Variants in MXRA7 observed in about 807,000 individuals in gnomAD.
The protein encoded by MXRA7 is matrix remodeling associated 7, also known as matrix-remodeling-associated protein 7.
A neutral mutation model predicts 17.4 loss-of-function variants in MXRA7; 18 were observed. That is an observed-to-expected ratio of 1.03 (90% CI 0.71 to 1.53). MXRA7 has a LOEUF of 1.53. Ranked by LOEUF, MXRA7 falls within the 40% of genes most tolerant of loss-of-function variation. The pLI, the probability that MXRA7 is intolerant of heterozygous loss-of-function variation, is 0.00. For synonymous variants in MXRA7, 70 were observed against 101.7 expected (o/e 0.69, Z 1.87); for missense variants, 141 against 209.3 (o/e 0.67, Z 2.01).
intron 1 of MXRA7, among the ~76,000 whole-genome samples, chr17:76,694,793 C>T (rs1471146590): frequency 6.6e-6 from 1 of 152,050 alleles, no homozygotes; most frequent in Non-Finnish European, 1.5e-5. Flanking sequence ...GCCATGTTGC[C>T]CAGGCTGGGC....
chr17:76,710,535 C>A (rs1339423885), intron 1 of MXRA7, 70 bp downstream of exon 1: 2 of 1,182,870 alleles, frequency 1.7e-6, no homozygotes, highest in Non-Finnish European at 2.1e-6. Flanking sequence ...CTCCCTGGCT[C>A]GGCGGGGAAC....
chr17:76,683,411 C>G (rs1281125656), intron 3 of MXRA7, among the ~76,000 whole-genome samples: 2 of 152,202 alleles, frequency 1.3e-5, no homozygotes, highest in East Asian at 3.8e-4. Flanking sequence ...TAAGAACCTG[C>G]CTGTCTCACA....
intron 1 of MXRA7, among the ~76,000 whole-genome samples, chr17:76,703,441 G>A (rs1228529205): frequency 6.6e-6 from 1 of 152,004 alleles, no homozygotes; most frequent in African/African-American, 2.4e-5. Context: ...GCAACATGGC[G>A]AAACTCCATC....
At chr17:76,687,885 G>A (rs1567981086) in intron 2 of MXRA7, among the ~76,000 whole-genome samples, 2 of 152,210 alleles carry the variant, frequency 1.3e-5, no homozygotes, top group African/African-American at 4.8e-5. Flanking sequence ...AGGGGCCCCG[G>A]GATGGGAAAG....
At chr17:76,710,385 G>C (rs1467414723) in intron 1 of MXRA7, among the ~76,000 whole-genome samples, 3 of 152,178 alleles carry the variant, frequency 2.0e-5, no homozygotes, top group Non-Finnish European at 4.4e-5. Flanking sequence ...AAACTCCTTC[G>C]GGCTCGCCCC....
At chr17:76,700,062 C>A (rs989922567) in intron 1 of MXRA7, among the ~76,000 whole-genome samples, 2 of 152,126 alleles carry the variant, frequency 1.3e-5, no homozygotes, top group South Asian at 4.1e-4. Flanking sequence ...TGGGTTCAAG[C>A]GATTCTCCTG....
chr17:76,702,858 AATATATATATATACGTATAT>A lies in MXRA7; in HGVS notation c.342+7727_342+7746del, dbSNP rs1326758709. Among the ~76,000 whole-genome samples the A allele has an allele frequency of 1.6e-4, 9 of 55,718 alleles. No individual in the cohort carries two copies. The East Asian group carries it at 4.4e-3, about 27-fold the overall frequency. The allele number at this position is 55,718 out of a possible 152,430, so 36.6% of individuals were successfully genotyped here. A position where few individuals can be genotyped will look rare whatever the true frequency, so the allele number is the denominator to read the frequency against. ...CAGAGCGAGACTACCTCTTAAAATA[AATATATATATATACGTATAT>A]ATATATATATATCTTGAGGAGGCCT... On this transcript the variant is annotated intron_variant, in intron 1 of 3. Transcript: ENST00000449428.
chr17:76,675,387 A>AAT (rs2076232000), downstream of MXRA7: 1 of 125,894 alleles, frequency 7.9e-6, no homozygotes, highest in African/African-American at 3.0e-5. Flanking sequence ...CAGAACAAAT[A>AAT]ATTTTTTTTT....
At chr17:76,696,891 A>AG (rs2076538068) in intron 1 of MXRA7, among the ~76,000 whole-genome samples, 1 of 152,188 alleles carries the variant, frequency 6.6e-6, no homozygotes, top group Non-Finnish European at 1.5e-5. Context: ...CGAACCCAAC[A>AG]GAGTACGCAG....
At chr17:76,683,925 ATCC>A in intron 3 of MXRA7, 1 of 1,613,386 alleles carries the variant, frequency 6.2e-7, no homozygotes, top group East Asian at 2.2e-5. Context: ...GGTCAGCTCA[ATCC>A]TGAAATATAA....
At chr17:76,686,341 G>A (rs376412382) in intron 2 of MXRA7, among the ~76,000 whole-genome samples, 21 of 152,110 alleles carry the variant, frequency 1.4e-4, no homozygotes, top group East Asian at 1.2e-3. Flanking sequence ...TTAGCCGGGC[G>A]TGGTGGCAGG....
rs375181145 is a variant in MXRA7 at position 76,685,574 on chromosome 17, C to T, written c.407-409G>A. 1.8e-4 allele frequency among the ~76,000 whole-genome samples: 27 copies of T among 152,334 alleles called. 1 individual carries two copies. The South Asian group carries it at 1.9e-3, about 11-fold the overall frequency. ...GGAGGCTTGTGTCATCCCCCCACCC[C>T]CTGTGGCTATTGGAAATCTGAAAAC... On this transcript the variant is annotated intron_variant, in intron 2 of 3. Transcript: ENST00000449428.
chr17:76,701,232 A>C (rs1316579079), intron 1 of MXRA7, among the ~76,000 whole-genome samples: 1 of 151,800 alleles, frequency 6.6e-6, no homozygotes, highest in African/African-American at 2.4e-5. Context: ...GAGAGGAGGG[A>C]GGGCTGCTCT....
intron 3 of MXRA7, among the ~76,000 whole-genome samples, 167 bp downstream of exon 3, chr17:76,684,905 G>A (rs565869993): frequency 6.6e-6 from 1 of 152,286 alleles, no homozygotes; most frequent in Non-Finnish European, 1.5e-5. Flanking sequence ...ACCAGGGCAG[G>A]AAAGAACTCC....
intron 1 of MXRA7, among the ~76,000 whole-genome samples, chr17:76,698,400 C>T (rs899474815): frequency 2.3e-5 from 3 of 131,678 alleles, no homozygotes; most frequent in Non-Finnish European, 4.9e-5. Context: ...GCGCCAGCTC[C>T]GGGGGCTTGG....
chr17:76,703,250 G>T (rs903741504), intron 1 of MXRA7, among the ~76,000 whole-genome samples: 8 of 152,158 alleles, frequency 5.3e-5, no homozygotes, highest in Non-Finnish European at 1.0e-4. Context: ...CAGAGGTCAG[G>T]TTGGTCAGCG....
intron 2 of MXRA7, among the ~76,000 whole-genome samples, chr17:76,686,357 G>A (rs989324582): frequency 2.0e-5 from 3 of 152,274 alleles, no homozygotes; most frequent in Middle Eastern, 6.8e-3. Context: ...GCAGGCGCCT[G>A]TAATCCCAGC....
chr17:76,680,351 G>A lies in MXRA7; in HGVS notation c.*516C>T. ...CCCCGACAACCAAGCCAGCCACAGA[G>A]AGAAGTGGGGTTCCCAGGGAAAGGG... On this transcript the variant is annotated 3_prime_UTR_variant, in exon 4 of 4. Coordinates refer to ENST00000449428, the MANE Select transcript of MXRA7 (RefSeq NM_198530.4). 2 of 985,604 alleles carry A rather than the reference G, an allele frequency of 2.0e-6. No homozygotes were observed. Among genetic ancestry groups the A allele is most frequent in the Non-Finnish European group, 2.4e-6 (2 of 830,116 alleles). The allele number at this position is 985,604 out of a possible 1,614,324, so 61.1% of individuals were successfully genotyped here. A position where few individuals can be genotyped will look rare whatever the true frequency, so the allele number is the denominator to read the frequency against.
intron 2 of MXRA7, among the ~76,000 whole-genome samples, chr17:76,687,350 G>A (rs1490088802): frequency 6.6e-6 from 1 of 152,198 alleles, no homozygotes; most frequent in Non-Finnish European, 1.5e-5. Context: ...TCTTTCCACT[G>A]CTCCTGCCAG....
Sources: allele counts gnomAD v4.1 joint callset (sites outside exome capture counted in the v4.1 genomes callset), GRCh38; gene constraint gnomAD v4.1.1; transcripts MANE v1.5; gene names NCBI Gene and HGNC (gene_info 2026-07-23, HGNC 2026-07-21).